WWC1: variants seen among roughly 807,000 people sequenced by gnomAD.
The protein encoded by WWC1 is protein KIBRA.
In WWC1, 55 loss-of-function variants were observed where a neutral mutation model predicts 138.4. The ratio of observed to expected loss-of-function variants is 0.40; its 90% CI spans 0.32 to 0.50. The LOEUF is 0.50. Among genes scored for constraint, WWC1 ranks in the 20% least tolerant of loss-of-function variants. The probability of loss-of-function intolerance (pLI) is 0.72; values close to 1 mark genes in which losing one functional copy is unlikely to be tolerated. For synonymous variants in WWC1, 524 were observed against 564.9 expected (o/e 0.93, Z 1.03); for missense variants, 1,226 against 1,420.4 (o/e 0.86, Z 2.20).
rs1452399674 is a variant in WWC1, at chr5:168,469,753, A to C, written c.*736A>C. The C allele has an allele frequency of 2.0e-5, 3 of 152,148 alleles. No homozygotes were observed. Among genetic ancestry groups the C allele is most frequent in the Non-Finnish European group, 4.4e-5 (3 of 68,040 alleles). 9.4% of individuals were successfully genotyped at this position (152,148 alleles called of 1,614,324 possible). A position where few individuals can be genotyped will look rare whatever the true frequency, so the allele number is the denominator to read the frequency against. On this transcript the variant is annotated 3_prime_UTR_variant, in exon 23 of 23. Coordinates refer to ENST00000265293, the MANE Select transcript of WWC1 (RefSeq NM_015238.3). ...TCTCCATCAATAAAGTGGCCTTTCA[A>C]AAAGAATCTTCCTCTTGCTCTCTTT...
Position 168,454,080 on chromosome 5 carries a change from G to A in WWC1, c.2638G>A (p.Asp880Asn). The A allele has an allele frequency of 6.2e-7, 1 of 1,613,460 alleles. No individual in the cohort carries two copies. The highest frequency in any genetic ancestry group is 1.1e-5 in the South Asian group (1 of 91,004). Residue 880 changes from aspartate to asparagine, a missense_variant, in exon 18 of 23, where the codon GAT becomes AAT. By Grantham distance (23) the Asp-to-Asn change is conservative. Around this residue, in one of 3 missense-constraint regions of WWC1, gnomAD observed 1,016 missense variants for 1,153.9 expected, o/e 0.88. Transcript: ENST00000265293. The stretch of plus-strand genomic sequence containing the variant: ...CACCGAGAAAGCCTCACCTGATATG[G>A]ATGGGTACCCAGCATTAAAGGTAGG... Reference protein sequence around the residue: ...VFTEKASPDMDGYPALKVDKE... With the variant: ...VFTEKASPDMNGYPALKVDKE...
At chr5:168,345,785 G>A (rs984835382) in intron 1 of WWC1, among the ~76,000 whole-genome samples, 5 of 152,062 alleles carry the variant, frequency 3.3e-5, no homozygotes, top group African/African-American at 1.2e-4. Context: ...ATATTTTGAT[G>A]ACTCTTATTT....
At chr5:168,430,294 TG>T in intron 14 of WWC1, 71 bp downstream of exon 14, 1 of 1,289,412 alleles carries the variant, frequency 7.8e-7, no homozygotes, top group Non-Finnish European at 1.1e-6. Context: ...GTCACTTTTC[TG>T]CCCTGTCCTG....
chr5:168,317,377 A>G (rs529058717), intron 1 of WWC1, among the ~76,000 whole-genome samples: 1 of 152,192 alleles, frequency 6.6e-6, no homozygotes, highest in Non-Finnish European at 1.5e-5. Context: ...GAATTCAGGC[A>G]CTGGAGGAAG....
intron 2 of WWC1, 135 bp from the exon 3 acceptor site, chr5:168,385,076 G>A (rs1777936429): frequency 7.4e-6 from 6 of 808,332 alleles, no homozygotes; most frequent in Non-Finnish European, 1.2e-5. Flanking sequence ...TTTAGTAAAT[G>A]AGTTTGCCCC....
rs1451125033 is a variant in WWC1 at position 168,292,541 on chromosome 5, C to G, written c.119+270C>G. On this transcript the variant is annotated intron_variant, in intron 1 of 22. Coordinates refer to ENST00000265293, the MANE Select transcript of WWC1 (RefSeq NM_015238.3). The surrounding 1 kb of genome is among the most constrained non-coding windows in gnomAD (Gnocchi z 4.4). ...GGACTTAGGCCCCAGCCGGCACCTG[C>G]CCGGAGTTTTGACCTTAAGCTCTAG... 6.6e-6 allele frequency among the ~76,000 whole-genome samples: 1 copy of G among 152,032 alleles called. No individual in the cohort carries two copies. The highest frequency in any genetic ancestry group is 2.0e-4 in the East Asian group (1 of 5,118).
chr5:168,299,177 C>T (rs1284098559), intron 1 of WWC1, among the ~76,000 whole-genome samples: 1 of 152,250 alleles, frequency 6.6e-6, no homozygotes, highest in African/African-American at 2.4e-5. Flanking sequence ...CATCTACACT[C>T]ATACTAGCTG....
At chr5:168,309,095 CCTT>C (rs1770825226) in intron 1 of WWC1, among the ~76,000 whole-genome samples, 1 of 152,266 alleles carries the variant, frequency 6.6e-6, no homozygotes, top group Admixed American at 6.5e-5. Flanking sequence ...GTGGTATCCT[CCTT>C]GACCTCCTGT....
intron 21 of WWC1, 179 bp from the exon 22 acceptor site, chr5:168,467,661 G>C: frequency 1.1e-6 from 1 of 899,868 alleles, no homozygotes; most frequent in Non-Finnish European, 1.6e-6. Flanking sequence ...CAAAAATCTA[G>C]TCACTCAAAC....
intron 17 of WWC1, among the ~76,000 whole-genome samples, chr5:168,448,657 C>G (rs1330385094): frequency 7.1e-5 from 9 of 126,894 alleles, no homozygotes; most frequent in Non-Finnish European, 3.1e-5. Context: ...CTTGTTCTGT[C>G]ACCCAGGCTG....
rs781773132 is a variant in WWC1, at chr5:168,428,666, C to T, written c.1920-41C>T. ...TCAGCCTCCCAGAATAGTTTGTTCA[C>T]TGTAGGGAAGCCTAACTCCTCCTCC... On this transcript the variant is annotated intron_variant, in intron 12 of 22. Coordinates refer to ENST00000265293, the MANE Select transcript of WWC1 (RefSeq NM_015238.3). The T allele has an allele frequency of 3.1e-6, 5 of 1,601,776 alleles. No homozygotes were observed. The Admixed American group carries it at 6.7e-5, about 21-fold the overall frequency.
chr5:168,445,628 G>A (rs1755179078), intron 17 of WWC1, among the ~76,000 whole-genome samples: 1 of 148,984 alleles, frequency 6.7e-6, no homozygotes, highest in African/African-American at 2.5e-5. Flanking sequence ...CTTGAACCCA[G>A]GAGGCAGAGG....
At chr5:168,331,667 T>C (rs11957809) in intron 1 of WWC1, among the ~76,000 whole-genome samples, 1,591 of 152,350 alleles carry the variant, frequency 0.01, 25 homozygotes, top group African/African-American at 0.036. Flanking sequence ...TCGTTTCTGT[T>C]AAGGTAACGT....
chr5:168,293,453 G>A (rs1482253242), intron 1 of WWC1, among the ~76,000 whole-genome samples: 1 of 152,138 alleles, frequency 6.6e-6, no homozygotes. Flanking sequence ...TAAGCGGAAA[G>A]AAAATGAGAG....
At chr5:168,438,261 C>G (rs1010175806) in intron 15 of WWC1, among the ~76,000 whole-genome samples, 2 of 152,132 alleles carry the variant, frequency 1.3e-5, no homozygotes, top group Admixed American at 6.5e-5. Context: ...CCCATAATCC[C>G]CATGTGTTGT....
intron 4 of WWC1, among the ~76,000 whole-genome samples, chr5:168,398,873 G>T (rs910024934): frequency 6.6e-6 from 1 of 152,208 alleles, no homozygotes; most frequent in Non-Finnish European, 1.5e-5. Context: ...CAGATCTTCA[G>T]ATGTTTTCAT....
rs145015038 is a variant in WWC1 at position 168,461,315 on chromosome 5, G to C, written c.2916+573G>C. ...CCACTGCACCCCAGCCTGGGCAACA[G>C]AGTGAGACTCTGTCTCAGGAAAAAA... On this transcript the variant is annotated intron_variant, in intron 20 of 22. Transcript: ENST00000265293. Among the ~76,000 whole-genome samples the C allele has an allele frequency of 2.5e-3, 387 of 152,240 alleles. 1 individual carries two copies. Among genetic ancestry groups the C allele is most frequent in the African/African-American group, 8.5e-3 (353 of 41,540 alleles).
In WWC1 at chr5:168,408,556, C is replaced by T. The variant is rs1375496043; in HGVS notation, c.770C>T (p.Ser257Leu). The T allele has an allele frequency of 1.9e-6, 3 of 1,614,202 alleles. No homozygotes were observed. Among genetic ancestry groups the T allele is most frequent in the Non-Finnish European group, 2.5e-6 (3 of 1,180,024 alleles). The change falls in exon 7 of 23, where the codon TCA becomes TTA. Residue 257 changes from serine to leucine, a missense_variant. Ser to Leu is a moderately radical substitution (Grantham distance 145). Coordinates refer to ENST00000265293, the MANE Select transcript of WWC1 (RefSeq NM_015238.3). Reference protein sequence around the residue: ...DGFRTDRGSHSDLWSSSSSLE... With the variant: ...DGFRTDRGSHLDLWSSSSSLE... ...TTCCGCACTGACAGGGGGTCTCACT[C>T]AGACCTGTGGTCCAGCAGCAGCTCT...
At chr5:168,406,031 A>G (rs964542950) in intron 5 of WWC1, among the ~76,000 whole-genome samples, 167 bp from the exon 6 acceptor site, 2 of 152,014 alleles carry the variant, frequency 1.3e-5, no homozygotes, top group Non-Finnish European at 2.9e-5. Context: ...CCAGCCCGGG[A>G]CCTTCTATGC....
Sources: allele counts gnomAD v4.1 joint callset (sites outside exome capture counted in the v4.1 genomes callset), GRCh38; gene constraint gnomAD v4.1.1; regional missense constraint gnomAD v4.1.1; non-coding constraint Gnocchi (gnomAD v3.1); transcripts MANE v1.5; gene names NCBI Gene and HGNC (gene_info 2026-07-23, HGNC 2026-07-21).